The following CDK5RAP1 variants were observed in gnomAD, a reference collection of about 807,000 sequenced individuals.
The protein encoded by CDK5RAP1 is mitochondrial tRNA methylthiotransferase CDK5RAP1.
A neutral mutation model predicts 64.5 loss-of-function variants in CDK5RAP1; 62 were observed. That is an observed-to-expected ratio of 0.96 (90% CI 0.78 to 1.19). The LOEUF is 1.19. Among genes scored for constraint, CDK5RAP1 ranks in the 50% most tolerant of loss-of-function variants. The pLI is 0.00. For synonymous variants in CDK5RAP1, 250 were observed against 261.9 expected (o/e 0.95, Z 0.44); for missense variants, 657 against 735.0 (o/e 0.89, Z 1.23).
At chr20:33,389,521 C>A (rs1243577974) in intron 5 of CDK5RAP1, among the ~76,000 whole-genome samples, 1 of 151,554 alleles carries the variant, frequency 6.6e-6, no homozygotes, top group African/African-American at 2.4e-5. Flanking sequence ...GGCCAGCCGA[C>A]CCGTCAGGGA....
chr20:33,374,095 C>A lies in CDK5RAP1; in HGVS notation c.1205+20G>T. On this transcript the variant is annotated intron_variant, in intron 9 of 13. Transcript: ENST00000346416. ...AAACATGGAAAAGTGAGGGATGCCCCCTCTCCAAGCAAGCCTGACCCCCTC... is the reference window on the plus strand; with the variant it reads ...AAACATGGAAAAGTGAGGGATGCCCACTCTCCAAGCAAGCCTGACCCCCTC... 6.4e-7 allele frequency: 1 copy of A among 1,557,340 alleles called. No homozygotes were observed. The highest frequency in any genetic ancestry group is 8.9e-7 in the Non-Finnish European group (1 of 1,128,820).
At chr20:33,396,631 G>T in intron 2 of CDK5RAP1, 130 bp downstream of exon 2, 1 of 727,668 alleles carries the variant, frequency 1.4e-6, no homozygotes, top group Non-Finnish European at 2.4e-6. Context: ...ACTTGGTGGA[G>T]TCTAATGATT....
At position 33,365,924 on chromosome 20, in the gene CDK5RAP1, A is replaced by G. The variant is rs573399187; in HGVS notation, c.1542+935T>C. 3.9e-5 allele frequency among the ~76,000 whole-genome samples: 6 copies of G among 152,350 alleles called. No homozygotes were observed. In the East Asian group the frequency reaches 7.7e-4, roughly 20 times the overall value. ...TAAACTGGCCATGTCTGGAGGAAAG[A>G]AAGTCTCCTCTAAGAGAAAGCAATG... On this transcript the variant is annotated intron_variant, in intron 12 of 13. Coordinates refer to ENST00000346416, the MANE Select transcript of CDK5RAP1 (RefSeq NM_016408.4).
Position 33,395,111 on chromosome 20 carries a change from G to C in CDK5RAP1, c.310C>G (p.Leu104Val). The change falls in exon 3 of 14, where the codon CTC (leucine) becomes GTC (valine). Residue 104 changes from leucine (L) to valine (V), a missense_variant. By Grantham distance (32) the Leu-to-Val change is conservative (BLOSUM62 1). Coordinates refer to ENST00000346416, the MANE Select transcript of CDK5RAP1 (RefSeq NM_016408.4). ...TTCATCTGGCAGCCATAGGTCTCGA[G>C]GTAGACTGCAGTGAGAGGTTGGGGG... ...ELLGRQRKVY[L>V]ETYGCQMNVN... 5 of 1,602,882 alleles carry C rather than the reference G, an allele frequency of 3.1e-6. No homozygotes were observed. The highest frequency in any genetic ancestry group is 4.3e-6 in the Non-Finnish European group (5 of 1,169,904).
At chr20:33,397,146 G>A in intron 1 of CDK5RAP1, 62 bp from the exon 2 acceptor site, 3 of 1,268,936 alleles carry the variant, frequency 2.4e-6, no homozygotes, top group South Asian at 2.9e-5. Flanking sequence ...ACACTGCTGT[G>A]AGCACTTCAA....
intron 11 of CDK5RAP1, among the ~76,000 whole-genome samples, chr20:33,369,311 G>A (rs1275649691): frequency 3.3e-5 from 5 of 151,536 alleles, no homozygotes; most frequent in Admixed American, 2.0e-4. Context: ...GTGAAACCCC[G>A]TCTCTACTAA....
intron 4 of CDK5RAP1, 73 bp downstream of exon 4, chr20:33,393,959 C>T: frequency 9.2e-7 from 1 of 1,089,778 alleles, no homozygotes; most frequent in South Asian, 1.2e-5. Flanking sequence ...CATAGACAGC[C>T]AGGCCAGGCA....
At chr20:33,389,508 C>G (rs1446654526) in intron 5 of CDK5RAP1, among the ~76,000 whole-genome samples, 1 of 151,622 alleles carries the variant, frequency 6.6e-6, no homozygotes, top group African/African-American at 2.4e-5. Context: ...TCAGCCCCCG[C>G]CCGGCCAGCC....
intron 4 of CDK5RAP1, among the ~76,000 whole-genome samples, chr20:33,392,460 G>A (rs1028680575): frequency 2.0e-5 from 3 of 149,140 alleles, no homozygotes; most frequent in African/African-American, 7.5e-5. Flanking sequence ...TTTTTGGGGG[G>A]GATTTTTTTT....
At chr20:33,360,257 A>T in intron 13 of CDK5RAP1, 94 bp downstream of exon 13, 1 of 1,264,624 alleles carries the variant, frequency 7.9e-7, no homozygotes, top group Non-Finnish European at 1.1e-6. Context: ...TTATTTTACT[A>T]AAATGTGTCT....
intron 2 of CDK5RAP1, 74 bp from the exon 3 acceptor site, chr20:33,395,190 C>A (rs1988794153): frequency 4.8e-6 from 4 of 833,376 alleles, no homozygotes; most frequent in Admixed American, 3.5e-5. Context: ...GGTCTCCTTC[C>A]CAAATGCTCT....
chr20:33,397,724 G>A (rs1022724428), intron 1 of CDK5RAP1, among the ~76,000 whole-genome samples: 2 of 152,184 alleles, frequency 1.3e-5, no homozygotes, highest in African/African-American at 4.8e-5. Flanking sequence ...GGATGCAGCC[G>A]CTCATGCCTG....
chr20:33,374,049 G>C, intron 9 of CDK5RAP1, 66 bp downstream of exon 9: 1 of 1,080,270 alleles, frequency 9.3e-7, no homozygotes, highest in Non-Finnish European at 1.4e-6. Flanking sequence ...TGGCAACAAG[G>C]ACACTGTTTG....
chr20:33,382,594 T>A (rs2146663351), intron 7 of CDK5RAP1, among the ~76,000 whole-genome samples: 1 of 152,216 alleles, frequency 6.6e-6, no homozygotes, highest in African/African-American at 2.4e-5. Context: ...AGCAGGAGAA[T>A]CACATGAACC....
At chr20:33,370,077 G>A (rs1364786366) in intron 11 of CDK5RAP1, among the ~76,000 whole-genome samples, 1 of 152,146 alleles carries the variant, frequency 6.6e-6, no homozygotes, top group Non-Finnish European at 1.5e-5. Context: ...CTCCAAGTGA[G>A]TTCACTTGCC....
intron 11 of CDK5RAP1, among the ~76,000 whole-genome samples, chr20:33,369,984 C>T (rs1441217077): frequency 2.0e-5 from 3 of 152,160 alleles, no homozygotes; most frequent in African/African-American, 7.2e-5. Flanking sequence ...CTATCCTTCT[C>T]TTCAGGAAAA....
chr20:33,362,070 G>C (rs1251404108), intron 12 of CDK5RAP1, among the ~76,000 whole-genome samples: 2 of 152,008 alleles, frequency 1.3e-5, no homozygotes, highest in Admixed American at 1.3e-4. Flanking sequence ...GGAAGTGGTG[G>C]AGGTGGGTGG....
At chr20:33,382,538 A>G (rs567970383) in intron 7 of CDK5RAP1, among the ~76,000 whole-genome samples, 2 of 151,980 alleles carry the variant, frequency 1.3e-5, no homozygotes, top group African/African-American at 4.8e-5. Context: ...AAAATGAGCT[A>G]AGTATGGTGG....
At chr20:33,389,168 T>C (rs985424547) in intron 5 of CDK5RAP1, among the ~76,000 whole-genome samples, 36 of 150,910 alleles carry the variant, frequency 2.4e-4, no homozygotes, top group Non-Finnish European at 4.6e-4. Flanking sequence ...CCATCCCGTC[T>C]AGGAAGTGAG....
Sources: gnomAD v4.1 joint callset for allele counts (sites outside exome capture counted in the v4.1 genomes callset) on GRCh38, gnomAD v4.1.1 for gene constraint, MANE v1.5 for transcripts, NCBI Gene and HGNC (gene_info 2026-07-23, HGNC 2026-07-21) for gene names.